Variants in ZMYND19 observed in about 807,000 individuals in gnomAD.
The protein encoded by ZMYND19 is zinc finger MYND-type containing 19.
A neutral mutation model predicts 32.0 loss-of-function variants in ZMYND19; 17 were observed. That is an observed-to-expected ratio of 0.53 (90% CI 0.36 to 0.80). ZMYND19 has a LOEUF of 0.80. Ranked by LOEUF, ZMYND19 falls within the 30% of genes least tolerant of loss-of-function variation. ZMYND19 has a pLI of 0.00. For synonymous variants in ZMYND19, 124 were observed against 113.6 expected, an observed-to-expected ratio of 1.09 and a Z score of -0.58; for missense variants, 250 against 293.6, an observed-to-expected ratio of 0.85 and a Z score of 1.09.
rs200391071 is a variant in ZMYND19 at position 137,587,059 on chromosome 9, G to C, written c.267C>G (p.Leu89=). Residue 89 remains leucine, a synonymous_variant, in exon 4 of 6, where the codon CTC becomes CTG. Coordinates refer to ENST00000298585, the MANE Select transcript of ZMYND19 (RefSeq NM_138462.3). ...GGCGATTGTCCACGGTCACAGCGTT[G>C]AGGTGCACCACCTGGAAGCCCGGGG... ...GVAPGFQVVH[L]NAVTVDNRLD... is the part of the protein sequence containing the mutation. 3.8e-5 allele frequency: 61 copies of C among 1,610,738 alleles called. No homozygotes were observed. In the Admixed American group the frequency reaches 1.0e-3, roughly 26 times the overall value.
At chr9:137,587,440 G>A in intron 3 of ZMYND19, 1 of 593,114 alleles carries the variant, frequency 1.7e-6, no homozygotes, top group Non-Finnish European at 3.0e-6. Flanking sequence ...GCACACCGGG[G>A]GGGCTCGGCA....
chr9:137,588,775 T>A, intron 1 of ZMYND19, 57 bp from the exon 2 acceptor site: 1 of 1,593,722 alleles, frequency 6.3e-7, no homozygotes, highest in African/African-American at 1.3e-5. Context: ...TGAGGTGCAG[T>A]AACCTTATAA....
intron 4 of ZMYND19, among the ~76,000 whole-genome samples, chr9:137,585,923 G>A (rs954723719): frequency 3.9e-5 from 6 of 152,266 alleles, no homozygotes; most frequent in Admixed American, 6.5e-5. Flanking sequence ...GCTTGAGGAC[G>A]TGCCCAAAAG....
At chr9:137,588,134 G>A (rs935696728) in intron 2 of ZMYND19, among the ~76,000 whole-genome samples, 2 of 152,196 alleles carry the variant, frequency 1.3e-5, no homozygotes, top group African/African-American at 4.8e-5. Context: ...AGAACCCCCT[G>A]GAGAGGTCAC....
intron 1 of ZMYND19, 46 bp from the exon 2 acceptor site, chr9:137,588,764 G>A (rs767060053): frequency 1.2e-5 from 19 of 1,607,436 alleles, no homozygotes; most frequent in East Asian, 8.9e-5. Flanking sequence ...TGGGATCTGC[G>A]TGAGGTGCAG....
At chr9:137,587,353 G>A (rs1588974197) in intron 3 of ZMYND19, 1 of 645,804 alleles carries the variant, frequency 1.5e-6, no homozygotes, top group East Asian at 2.8e-5. Context: ...TCAGAGCACA[G>A]ACAGCCAAAG....
At chr9:137,589,804 G>C (rs145142141) in intron 1 of ZMYND19, 1 of 985,490 alleles carries the variant, frequency 1.0e-6, no homozygotes, top group Non-Finnish European at 1.2e-6. Flanking sequence ...CGCTGCCTCG[G>C]AAAGGGCGCT....
intron 5 of ZMYND19, 75 bp from the exon 6 acceptor site, chr9:137,582,761 C>CA: frequency 6.4e-7 from 1 of 1,565,734 alleles, no homozygotes; most frequent in Non-Finnish European, 8.6e-7. Flanking sequence ...GTCTTACGGA[C>CA]AATCTGACGG....
chr9:137,589,623 C>T (rs971845784), intron 1 of ZMYND19: 12 of 985,348 alleles, frequency 1.2e-5, no homozygotes, highest in South Asian at 4.7e-5. Context: ...GAGGAAGGCC[C>T]TGAGTCTGCA....
intron 2 of ZMYND19, 80 bp downstream of exon 2, chr9:137,588,579 A>T (rs1842233271): frequency 6.6e-7 from 1 of 1,515,786 alleles, no homozygotes; most frequent in Non-Finnish European, 9.1e-7. Flanking sequence ...CTTGCAGCAC[A>T]GGGGAGAGAG....
In ZMYND19 at chr9:137,586,969, C is replaced by T; in HGVS notation, c.357G>A (p.Gln119=). ...RPKAEETSSK[Q]REQSLYWLAI... ...CGCCAGGCCCTGAGAAGACCCACCT[C>T]TGCTTGCTGGAGGTCTCTTCAGCCT... Residue 119 remains glutamine (Q), a splice_region_variant and synonymous_variant, in exon 4 of 6, where the codon CAG becomes CAA. Coordinates refer to ENST00000298585, the MANE Select transcript of ZMYND19 (RefSeq NM_138462.3). The T allele has an allele frequency of 6.2e-7, 1 of 1,612,196 alleles. No individual in the cohort carries two copies. The highest frequency in any genetic ancestry group is 8.5e-7 in the Non-Finnish European group (1 of 1,180,006).
chr9:137,587,141 T>G, intron 3 of ZMYND19, 34 bp from the exon 4 acceptor site: 4 of 1,593,362 alleles, frequency 2.5e-6, no homozygotes, highest in Non-Finnish European at 3.4e-6. Flanking sequence ...CATCTAACCC[T>G]GCATCGCTGC....
chr9:137,590,250 T>C lies in ZMYND19; in HGVS notation c.14A>G (p.Lys5Arg). 1.7e-6 allele frequency: 2 copies of C among 1,156,382 alleles called. No individual in the cohort carries two copies. The highest frequency in any genetic ancestry group is 2.2e-6 in the Non-Finnish European group (2 of 923,368). 71.6% of individuals were successfully genotyped at this position (1,156,382 alleles called of 1,614,324 possible). A position where few individuals can be genotyped will look rare whatever the true frequency, so the allele number is the denominator to read the frequency against. Residue 5 changes from lysine to arginine, a missense_variant, in exon 1 of 6, where the codon AAA becomes AGA. Coordinates refer to ENST00000298585, the MANE Select transcript of ZMYND19 (RefSeq NM_138462.3). This position sits in a 1 kb window ranked among gnomAD's most constrained non-coding sequence, Gnocchi z 4.2. Reference sequence around the variant, plus strand: ...CCGGCCGAGCCGCACGATACCCAATTTGAAGTCGGTCATGGCCGGGCCTGC... The same window carrying C: ...CCGGCCGAGCCGCACGATACCCAATCTGAAGTCGGTCATGGCCGGGCCTGC... MTDF[K>R]LGIVRLGRVA...
chr9:137,585,409 C>T (rs745425314), intron 4 of ZMYND19, among the ~76,000 whole-genome samples: 16 of 130,410 alleles, frequency 1.2e-4, no homozygotes, highest in Non-Finnish European at 2.0e-4. Flanking sequence ...AGCCAGACTC[C>T]GTCTCAAAAA....
At position 137,590,134 on chromosome 9, in the gene ZMYND19, G is replaced by A. The variant is rs1842255866; in HGVS notation, c.51+79C>T. The A allele has an allele frequency of 1.0e-6, 1 of 952,962 alleles. No individual in the cohort carries two copies. The allele number at this position is 952,962 out of a possible 1,614,324, so 59.0% of individuals were successfully genotyped here. On this transcript the variant is annotated intron_variant, in intron 1 of 5. Coordinates refer to ENST00000298585, the MANE Select transcript of ZMYND19 (RefSeq NM_138462.3). This position sits in a 1 kb window ranked among gnomAD's most constrained non-coding sequence, Gnocchi z 4.2. ...GCTCCGCGCCCCCGCCCCGGCCGCC[G>A]CCCGCACAACCGCCCCCGGCCCCGC... is the stretch of plus-strand genomic sequence containing the variant.
intron 2 of ZMYND19, 152 bp downstream of exon 2, chr9:137,588,507 T>G (rs922935439): frequency 1.2e-6 from 1 of 801,072 alleles, no homozygotes; most frequent in Non-Finnish European, 2.0e-6. Context: ...CGGCTCGAAG[T>G]GGGGCTGACG....
chr9:137,586,925 A>G (rs1421945609), intron 4 of ZMYND19, 42 bp downstream of exon 4: 2 of 1,608,592 alleles, frequency 1.2e-6, no homozygotes, highest in South Asian at 1.1e-5. Flanking sequence ...CCCTCCTCAA[A>G]AGGCGCCTCT....
intron 1 of ZMYND19, chr9:137,589,127 C>G (rs886370661): frequency 1.6e-5 from 3 of 188,092 alleles, no homozygotes; most frequent in African/African-American, 7.0e-5. Flanking sequence ...GTTTATTAAG[C>G]TGAGCTACTC....
intron 3 of ZMYND19, chr9:137,587,426 C>T: frequency 1.7e-6 from 1 of 582,146 alleles, no homozygotes; most frequent in South Asian, 2.1e-5. Context: ...GTGGTCCCTA[C>T]CATGCACACC....
Sources: allele counts gnomAD v4.1 joint callset (sites outside exome capture counted in the v4.1 genomes callset), GRCh38; gene constraint gnomAD v4.1.1; non-coding constraint Gnocchi (gnomAD v3.1); transcripts MANE v1.5; gene names NCBI Gene and HGNC (gene_info 2026-07-23, HGNC 2026-07-21).